Variants in CCDC73 observed in about 807,000 individuals in gnomAD.
CCDC73 encodes the protein coiled-coil domain containing 73, also known as coiled-coil domain-containing protein 73.
In CCDC73, 95 loss-of-function variants were observed where a neutral mutation model predicts 116.5. That is an observed-to-expected ratio of 0.82 (90% CI 0.69 to 0.97). The LOEUF (loss-of-function observed/expected upper bound fraction) is 0.97, where lower values mean the gene tolerates loss of function less well. Ranked by LOEUF, CCDC73 falls within the 50% of genes least tolerant of loss-of-function variation. The probability of loss-of-function intolerance (pLI) is 0.00; values close to 1 mark genes in which losing one functional copy is unlikely to be tolerated. For synonymous variants in CCDC73, 398 were observed against 401.3 expected, an observed-to-expected ratio of 0.99 and a Z score of 0.10; for missense variants, 1,066 against 1,206.8, an observed-to-expected ratio of 0.88 and a Z score of 1.73.
chr11:32,638,767 G>A (rs187609140), intron 13 of CCDC73, among the ~76,000 whole-genome samples: 20 of 151,844 alleles, frequency 1.3e-4, no homozygotes, highest in Admixed American at 5.3e-4. Flanking sequence ...ATGAGCCACC[G>A]TGCCCAGCCG....
At chr11:32,807,586 T>C in the CCDC73 span, among the ~76,000 whole-genome samples, 2 of 124,250 alleles carry the variant, frequency 1.6e-5, no homozygotes, top group Admixed American at 9.3e-5. Flanking sequence ...TATGGGATTT[T>C]TTTTTGGCAA....
chr11:32,732,728 T>C (rs1443467858), intron 2 of CCDC73, among the ~76,000 whole-genome samples: 1 of 152,216 alleles, frequency 6.6e-6, no homozygotes, highest in Non-Finnish European at 1.5e-5. Flanking sequence ...TGAGAGATTT[T>C]GTCACCACCA....
the CCDC73 span, among the ~76,000 whole-genome samples, chr11:32,822,922 A>G: frequency 6.6e-6 from 1 of 152,190 alleles, no homozygotes; most frequent in Non-Finnish European, 1.5e-5. Context: ...ACAACCTCAT[A>G]GTAGGTTCAA....
At position 32,729,043 on chromosome 11, in the gene CCDC73, A is replaced by G. The variant is rs12796504; in HGVS notation, c.136-10896T>C. 7.6e-3 allele frequency among the ~76,000 whole-genome samples: 1,147 copies of G among 151,674 alleles called. 11 individuals carry two copies. Among genetic ancestry groups the G allele is most frequent in the Non-Finnish European group, 0.012 (783 of 67,934 alleles). ...TTTTTTCAACTTTAAGTGCCAGGGT[A>G]CATGTGCAGGATGTGCAGGTCTGTT... On this transcript the variant is annotated intron_variant, in intron 2 of 17. Coordinates refer to ENST00000335185, the MANE Select transcript of CCDC73 (RefSeq NM_001008391.4).
chr11:32,717,029 C>G (rs1276559130), intron 3 of CCDC73, among the ~76,000 whole-genome samples: 1 of 152,210 alleles, frequency 6.6e-6, no homozygotes, highest in Non-Finnish European at 1.5e-5. Context: ...ACAGATAGGT[C>G]TGTTTCAGAC....
intron 9 of CCDC73, among the ~76,000 whole-genome samples, chr11:32,666,597 G>A (rs1201698328): frequency 6.6e-6 from 1 of 152,084 alleles, no homozygotes; most frequent in Non-Finnish European, 1.5e-5. Flanking sequence ...CTTTGCGATG[G>A]GTTCGACCTT....
chr11:32,769,358 C>A (rs1192277566), intron 1 of CCDC73, among the ~76,000 whole-genome samples: 1 of 152,134 alleles, frequency 6.6e-6, no homozygotes, highest in Non-Finnish European at 1.5e-5. Flanking sequence ...TCTGAAAAGT[C>A]TGTTTCTAGG....
chr11:32,633,509 A>G (rs550216431), intron 14 of CCDC73, among the ~76,000 whole-genome samples: 12 of 152,336 alleles, frequency 7.9e-5, no homozygotes, highest in South Asian at 2.1e-4. Flanking sequence ...ATATATACCC[A>G]TACACATGAC....
chr11:32,613,596 C>T lies in CCDC73; in HGVS notation c.2722G>A (p.Gly908Ser), dbSNP rs769082521. 60 of 1,613,874 alleles carry T rather than the reference C, an allele frequency of 3.7e-5. No homozygotes were observed. Among genetic ancestry groups the T allele is most frequent in the South Asian group, 2.0e-4 (18 of 91,082 alleles). The change falls in exon 16 of 18, where the codon GGT becomes AGT. Residue 908 changes from glycine (G) to serine (S), a missense_variant. Coordinates refer to ENST00000335185, the MANE Select transcript of CCDC73 (RefSeq NM_001008391.4). ...ATGTGATTTACTTTTGACCAAGGACCGGGGTCTGAAAAATTCATGTATACT... is the reference window on the plus strand; with the variant it reads ...ATGTGATTTACTTTTGACCAAGGACTGGGGTCTGAAAAATTCATGTATACT... Reference protein sequence around the residue: ...TPVYMNFSDPGPWSKVNHIES... With the variant: ...TPVYMNFSDPSPWSKVNHIES...
At chr11:32,644,797 C>T (rs959533262) in intron 12 of CCDC73, among the ~76,000 whole-genome samples, 1 of 152,264 alleles carries the variant, frequency 6.6e-6, no homozygotes, top group African/African-American at 2.4e-5. Context: ...TTTTCTGTCT[C>T]TCTAATTGTG....
chr11:32,667,750 C>T (rs560438699), intron 9 of CCDC73, among the ~76,000 whole-genome samples: 21 of 152,320 alleles, frequency 1.4e-4, no homozygotes, highest in Admixed American at 2.6e-4. Flanking sequence ...TCTTCTGCAT[C>T]GCTCACACTG....
chr11:32,688,994 A>G (rs1404177955), intron 6 of CCDC73, among the ~76,000 whole-genome samples: 2 of 152,162 alleles, frequency 1.3e-5, no homozygotes, highest in Non-Finnish European at 2.9e-5. Context: ...TCAGGGTTTT[A>G]ATATCCATGT....
the CCDC73 span, among the ~76,000 whole-genome samples, chr11:32,810,896 C>T: frequency 5.3e-5 from 8 of 151,912 alleles, no homozygotes; most frequent in Admixed American, 4.6e-4. Flanking sequence ...TTTGGGAGGC[C>T]GAGGCGGGTG....
At chr11:32,677,319 A>C (rs1447030992) in intron 7 of CCDC73, among the ~76,000 whole-genome samples, 3 of 152,226 alleles carry the variant, frequency 2.0e-5, no homozygotes, top group Admixed American at 6.5e-5. Context: ...CTTCATTACA[A>C]CATGGACTAA....
At chr11:32,795,400 G>C (rs1850716840), upstream of CCDC73, among the ~76,000 whole-genome samples, 1 of 151,776 alleles carries the variant, frequency 6.6e-6, no homozygotes, top group South Asian at 2.1e-4. Flanking sequence ...GAGCCTGGGA[G>C]GTCAAGGCTG....
chr11:32,824,698 A>G, the CCDC73 span, among the ~76,000 whole-genome samples: 1 of 152,236 alleles, frequency 6.6e-6, no homozygotes, highest in Admixed American at 6.5e-5. Flanking sequence ...TGAAGTGTCC[A>G]GGCTGGGTAA....
At chr11:32,641,003 G>A (rs190831881) in intron 13 of CCDC73, among the ~76,000 whole-genome samples, 1 of 145,628 alleles carries the variant, frequency 6.9e-6, no homozygotes, top group Non-Finnish European at 1.5e-5. Context: ...GGGACAGAGT[G>A]AGACTCTGTC....
intron 1 of CCDC73, among the ~76,000 whole-genome samples, chr11:32,761,576 G>T (rs1015656488): frequency 6.6e-6 from 1 of 152,106 alleles, no homozygotes; most frequent in Non-Finnish European, 1.5e-5. Flanking sequence ...AAGTAATACA[G>T]TTTCTCCAAA....
intron 6 of CCDC73, among the ~76,000 whole-genome samples, chr11:32,685,489 C>T (rs1856189797): frequency 6.6e-6 from 1 of 151,874 alleles, no homozygotes; most frequent in African/African-American, 2.4e-5. Flanking sequence ...CAGCAAGTTC[C>T]CTAATGTGGA....
Sources: allele counts gnomAD v4.1 joint callset (sites outside exome capture counted in the v4.1 genomes callset), GRCh38; gene constraint gnomAD v4.1.1; transcripts MANE v1.5; gene names NCBI Gene and HGNC (gene_info 2026-07-23, HGNC 2026-07-21).